The following GXYLT1 variants were observed in gnomAD, a reference collection of about 807,000 sequenced individuals.
The protein encoded by GXYLT1 is glycosyltransferase 8 domain containing 3.
Under a neutral mutation model 54.0 loss-of-function variants are expected in GXYLT1, and 29 were observed. The observed-to-expected ratio is 0.54, with a 90% CI of 0.40 to 0.73. The LOEUF is 0.73. GXYLT1 is among the 30% of genes least tolerant of loss of function. The pLI is 0.00. For synonymous variants in GXYLT1, 176 were observed against 204.1 expected (o/e 0.86, Z 1.17); for missense variants, 490 against 553.4 (o/e 0.89, Z 1.15).
chr12:42,094,400 G>A (rs529583569), intron 7 of GXYLT1, among the ~76,000 whole-genome samples: 2 of 147,346 alleles, frequency 1.4e-5, no homozygotes, highest in South Asian at 4.3e-4. Flanking sequence ...ACTCATGCCT[G>A]TAATCTCAGC....
intron 7 of GXYLT1, among the ~76,000 whole-genome samples, chr12:42,097,234 A>G (rs144760998): frequency 1.3e-3 from 196 of 152,238 alleles, no homozygotes; most frequent in African/African-American, 3.9e-3. Flanking sequence ...AATCAAATTT[A>G]AGTTGAGTTT....
At chr12:42,094,351 CAAAAA>C (rs11406709) in intron 7 of GXYLT1, among the ~76,000 whole-genome samples, 2 of 74,622 alleles carry the variant, frequency 2.7e-5, no homozygotes, top group Non-Finnish European at 2.6e-5. Flanking sequence ...AACCCTGCCT[CAAAAA>C]AAAAAAAAAA....
chr12:42,087,970 A>T, intron 7 of GXYLT1, 23 bp from the exon 8 acceptor site: 4 of 1,365,258 alleles, frequency 2.9e-6, no homozygotes, highest in Non-Finnish European at 4.0e-6. Flanking sequence ...AATTTTAAAA[A>T]ATAAAAAATT....
chr12:42,094,030 G>A (rs2065342556), intron 7 of GXYLT1, among the ~76,000 whole-genome samples: 1 of 151,362 alleles, frequency 6.6e-6, no homozygotes, highest in African/African-American at 2.4e-5. Flanking sequence ...AGTGTAGACT[G>A]GAAAAAGCTT....
In GXYLT1 at chr12:42,109,663, AAT is replaced by A; in HGVS notation, c.513_514del (p.Phe172Ter). 1.9e-6 allele frequency: 3 copies of A among 1,558,586 alleles called. No individual in the cohort carries two copies. In the South Asian group the frequency reaches 3.6e-5, roughly 19 times the overall value. Reference sequence around the variant, plus strand: ...GGTTATGGGGTATAACGTATAATTAAATGTTTGTAGAAATGACCAGTTGTCAA... The same window carrying A: ...GGTTATGGGGTATAACGTATAATTAAGTTTGTAGAAATGACCAGTTGTCAA... On this transcript the variant is annotated frameshift_variant, in exon 4 of 8. Coordinates refer to ENST00000398675, the MANE Select transcript of GXYLT1 (RefSeq NM_173601.2). LOFTEE classifies it high-confidence loss of function.
At chr12:42,100,835 G>C (rs963042406) in intron 5 of GXYLT1, among the ~76,000 whole-genome samples, 3 of 152,016 alleles carry the variant, frequency 2.0e-5, no homozygotes, top group African/African-American at 7.2e-5. Context: ...AACTGGTGGA[G>C]CCCTTGTACA....
At chr12:42,117,925 G>T (rs578041176) in intron 3 of GXYLT1, among the ~76,000 whole-genome samples, 2 of 152,288 alleles carry the variant, frequency 1.3e-5, no homozygotes, top group South Asian at 2.1e-4. Flanking sequence ...TACCCTTAAG[G>T]ATACTGCCCT....
chr12:42,135,350 T>C (rs148388295), intron 1 of GXYLT1, among the ~76,000 whole-genome samples: 102 of 152,256 alleles, frequency 6.7e-4, no homozygotes, highest in African/African-American at 2.3e-3. Context: ...ATGTATGGGG[T>C]TGTTACAAAG....
rs374195951 is a variant in GXYLT1, at chr12:42,144,630, C to T, written c.17G>A (p.Arg6His). 7.5e-6 allele frequency: 11 copies of T among 1,464,750 alleles called. No individual in the cohort carries two copies. Among genetic ancestry groups the T allele is most frequent in the African/African-American group, 2.9e-5 (2 of 68,588 alleles). 90.7% of individuals were successfully genotyped at this position (1,464,750 alleles called of 1,614,324 possible). The change falls in exon 1 of 8, where the codon CGC becomes CAC. Residue 6 changes from arginine to histidine, a missense_variant. Around this residue, in one of 2 missense-constraint regions of GXYLT1, gnomAD observed 148 missense variants for 210.7 expected, o/e 0.70. Coordinates refer to ENST00000398675, the MANE Select transcript of GXYLT1 (RefSeq NM_173601.2). The stretch of plus-strand genomic sequence containing the variant: ...GCAGGCCACACACAGCACCACGACG[C>T]GCAGGTAGCGCCGCATCGCCCCGGC... MRRYL[R>H]VVVLCVACGF...
Position 42,098,032 on chromosome 12 carries a change from T to C in GXYLT1, c.866A>G (p.Asn289Ser). 1.2e-6 allele frequency: 2 copies of C among 1,607,526 alleles called. No individual in the cohort carries two copies. Among genetic ancestry groups the C allele is most frequent in the East Asian group, 2.2e-5 (1 of 44,676 alleles). ...TTGTAGTCGTACAGTTGTCATATCA[T>C]TCTGTTGATAAAAACATTCAAAAGA... ...MTRMRRKYFKNDMTTVRLQWG... is the reference protein window; with the variant it reads ...MTRMRRKYFKSDMTTVRLQWG... The change falls in exon 6 of 8, where the codon AAT becomes AGT. Residue 289 changes from asparagine (N) to serine (S), a missense_variant and splice_region_variant. Physicochemically the swap from Asn to Ser is conservative, Grantham distance 46. Around this residue, in one of 2 missense-constraint regions of GXYLT1, gnomAD observed 342 missense variants for 342.6 expected, o/e 1.00. Transcript: ENST00000398675.
intron 2 of GXYLT1, among the ~76,000 whole-genome samples, chr12:42,123,783 T>C (rs1429305510): frequency 2.0e-5 from 3 of 151,962 alleles, no homozygotes; most frequent in African/African-American, 4.8e-5. Flanking sequence ...CAAATAACCA[T>C]CTACTAAAAC....
intron 3 of GXYLT1, among the ~76,000 whole-genome samples, chr12:42,112,558 C>T (rs997296957): frequency 7.9e-5 from 12 of 151,858 alleles, no homozygotes; most frequent in East Asian, 1.9e-4. Flanking sequence ...GAAGACGAAA[C>T]GAATGAAATG....
chr12:42,099,827 G>C (rs1178349350), intron 5 of GXYLT1, among the ~76,000 whole-genome samples: 1 of 152,084 alleles, frequency 6.6e-6, no homozygotes, highest in African/African-American at 2.4e-5. Flanking sequence ...CTCCGGCATG[G>C]GTAACAGAAT....
At position 42,084,552 on chromosome 12, in the gene GXYLT1, A is replaced by T. The variant is rs149476151; in HGVS notation, c.*3234T>A. On this transcript the variant is annotated 3_prime_UTR_variant, in exon 8 of 8. Coordinates refer to ENST00000398675, the MANE Select transcript of GXYLT1 (RefSeq NM_173601.2). ...AAATCCATTATCTCTTCTGAGTTTC[A>T]TCTTGTGAGGTTTGAAGGGTACACT... 1.5e-4 allele frequency: 23 copies of T among 152,434 alleles called. No homozygotes were observed. Among genetic ancestry groups the T allele is most frequent in the African/African-American group, 5.0e-4 (21 of 41,612 alleles). 9.4% of individuals were successfully genotyped at this position (152,434 alleles called of 1,614,324 possible).
intron 2 of GXYLT1, among the ~76,000 whole-genome samples, chr12:42,119,435 G>C (rs1366715863): frequency 6.9e-6 from 1 of 145,958 alleles, no homozygotes; most frequent in Non-Finnish European, 1.5e-5. Context: ...GACAGAAAGA[G>C]AAGAAAGAGA....
At chr12:42,129,303 T>A (rs554313093) in intron 2 of GXYLT1, among the ~76,000 whole-genome samples, 64 of 152,336 alleles carry the variant, frequency 4.2e-4, no homozygotes, top group Middle Eastern at 3.4e-3. Flanking sequence ...TGCTCCTCCA[T>A]TAAATACTTA....
chr12:42,143,917 TTAAC>T (rs2065665015), intron 1 of GXYLT1, among the ~76,000 whole-genome samples: 1 of 152,134 alleles, frequency 6.6e-6, no homozygotes, highest in African/African-American at 2.4e-5. Context: ...ATTTCCAAAT[TTAAC>T]TAACCATGGC....
Position 42,144,767 on chromosome 12 carries a change from C to A in GXYLT1, c.-121G>T, listed in dbSNP as rs184375709. ...GTTCCTCACCCGCAGCCGCCGCCGC[C>A]GCCTTGCGCCCGCTCCCTTCCTTCC... On this transcript the variant is annotated 5_prime_UTR_variant, in exon 1 of 8. Coordinates refer to ENST00000398675, the MANE Select transcript of GXYLT1 (RefSeq NM_173601.2). 1.5e-6 allele frequency: 1 copy of A among 650,932 alleles called. No homozygotes were observed. Among genetic ancestry groups the A allele is most frequent in the Non-Finnish European group, 2.2e-6 (1 of 449,784 alleles). The allele number at this position is 650,932 out of a possible 1,614,324, so 40.3% of individuals were successfully genotyped here.
chr12:42,110,194 A>T (rs567262291), intron 3 of GXYLT1, among the ~76,000 whole-genome samples: 34 of 152,368 alleles, frequency 2.2e-4, no homozygotes, highest in Admixed American at 2.0e-3. Flanking sequence ...TACATAGCCA[A>T]TGCCAATTTT....
Sources: gnomAD v4.1 joint callset for allele counts (sites outside exome capture counted in the v4.1 genomes callset) on GRCh38, gnomAD v4.1.1 for gene constraint, gnomAD v4.1.1 regional missense constraint, MANE v1.5 for transcripts, NCBI Gene and HGNC (gene_info 2026-07-23, HGNC 2026-07-21) for gene names.